DCDC2: variants seen among roughly 807,000 people sequenced by gnomAD.
DCDC2 encodes doublecortin domain containing 2.
DCDC2 carries 40 observed loss-of-function variants against 50.2 expected under a neutral mutation model. The ratio of observed to expected loss-of-function variants is 0.80; its 90% CI spans 0.62 to 1.04. DCDC2 has a LOEUF of 1.04. DCDC2 is among the 50% of genes least tolerant of loss of function. The probability of loss-of-function intolerance (pLI) is 0.00; values close to 1 mark genes in which losing one functional copy is unlikely to be tolerated. For synonymous variants in DCDC2, 234 were observed against 210.6 expected (o/e 1.11, Z -0.96); for missense variants, 570 against 581.9 (o/e 0.98, Z 0.21).
intron 7 of DCDC2, among the ~76,000 whole-genome samples, chr6:24,251,621 T>C (rs1240378249): frequency 6.6e-6 from 1 of 152,192 alleles, no homozygotes; most frequent in Non-Finnish European, 1.5e-5. Context: ...TCTCTGGTCT[T>C]GAGCACATTC....
intron 6 of DCDC2, among the ~76,000 whole-genome samples, chr6:24,287,569 G>A (rs1763640133): frequency 6.6e-6 from 1 of 152,174 alleles, no homozygotes; most frequent in Non-Finnish European, 1.5e-5. Flanking sequence ...CTACTGTAAA[G>A]AGCTTGGCAT....
At chr6:24,335,972 T>TC (rs1188241663) in intron 2 of DCDC2, among the ~76,000 whole-genome samples, 1 of 152,122 alleles carries the variant, frequency 6.6e-6, no homozygotes, top group Non-Finnish European at 1.5e-5. Context: ...GGCCCAGTAG[T>TC]CCCACCCAGG....
intron 7 of DCDC2, among the ~76,000 whole-genome samples, chr6:24,254,121 C>T (rs1762847910): frequency 6.6e-6 from 1 of 152,126 alleles, no homozygotes; most frequent in Admixed American, 6.5e-5. Flanking sequence ...AGGGCTGGAT[C>T]ATCAACATCA....
chr6:24,297,033 T>C (rs1759266487), intron 4 of DCDC2, among the ~76,000 whole-genome samples: 1 of 152,190 alleles, frequency 6.6e-6, no homozygotes, highest in African/African-American at 2.4e-5. Context: ...TGCAGCACTA[T>C]TCACAGTAGC....
intron 7 of DCDC2, among the ~76,000 whole-genome samples, chr6:24,220,891 T>TGAGCGAGCGAGCGAGAGAGTGAGCGAGA (rs1561895571): frequency 2.0e-5 from 2 of 98,964 alleles, no homozygotes; most frequent in African/African-American, 7.7e-5. Flanking sequence ...AGCGAGAGAG[T>TGAGCGAGCGAGCGAGAGAGTGAGCGAGA]GAGCGAGCGA....
At chr6:24,195,453 C>T (rs575642373) in intron 8 of DCDC2, among the ~76,000 whole-genome samples, 104 of 152,256 alleles carry the variant, frequency 6.8e-4, no homozygotes, top group Non-Finnish European at 1.3e-3. Context: ...GGGATTAAAT[C>T]TTTCACAATG....
intron 7 of DCDC2, among the ~76,000 whole-genome samples, chr6:24,276,204 G>C (rs1040304378): frequency 6.6e-6 from 1 of 152,176 alleles, no homozygotes; most frequent in African/African-American, 2.4e-5. Context: ...ACTTTCCTAT[G>C]AACAAGGGAT....
Position 24,178,556 on chromosome 6 carries a change from GAA to G in DCDC2, c.1098_1099del (p.Ser367ArgfsTer5). On this transcript the variant is annotated frameshift_variant, in exon 9 of 10. Transcript: ENST00000378454. LOFTEE classifies it high-confidence loss of function. ...CTCTTCAAGGTCACCATTCATTCCTGAAAAGTCTTCTTTCTGTTCTGCATCCT... is the reference window on the plus strand; with the variant it reads ...CTCTTCAAGGTCACCATTCATTCCTGAAGTCTTCTTTCTGTTCTGCATCCT... 6.2e-7 allele frequency: 1 copy of G among 1,614,106 alleles called. No homozygotes were observed. Among genetic ancestry groups the G allele is most frequent in the South Asian group, 1.1e-5 (1 of 91,082 alleles).
At chr6:24,270,738 C>T (rs1190972235) in intron 7 of DCDC2, among the ~76,000 whole-genome samples, 4 of 152,182 alleles carry the variant, frequency 2.6e-5, no homozygotes, top group African/African-American at 7.2e-5. Context: ...ATCTCACCAA[C>T]ATTCATGACA....
intron 9 of DCDC2, 128 bp downstream of exon 9, chr6:24,178,202 A>G (rs1216493969): frequency 1.1e-6 from 1 of 901,848 alleles, no homozygotes; most frequent in African/African-American, 1.7e-5. Flanking sequence ...ATGGTATTGG[A>G]TCTTTCCTAC....
At chr6:24,201,405 T>C (rs899623763) in intron 8 of DCDC2, among the ~76,000 whole-genome samples, 1 of 152,018 alleles carries the variant, frequency 6.6e-6, no homozygotes, top group Non-Finnish European at 1.5e-5. Flanking sequence ...GAATGACTAC[T>C]GGTACATAAC....
chr6:24,353,520 C>A (rs1760410473), intron 2 of DCDC2, 49 bp downstream of exon 2: 2 of 1,213,440 alleles, frequency 1.6e-6, no homozygotes, highest in African/African-American at 1.5e-5. Flanking sequence ...CCATAAGAAA[C>A]AAATGGCACC....
chr6:24,238,392 G>A (rs535547205), intron 7 of DCDC2, among the ~76,000 whole-genome samples: 33 of 151,192 alleles, frequency 2.2e-4, no homozygotes, highest in South Asian at 4.2e-4. Flanking sequence ...TCCGCCTCCC[G>A]GGTTCAAGCG....
intron 1 of DCDC2, among the ~76,000 whole-genome samples, chr6:24,356,451 A>T (rs1378020205): frequency 6.6e-6 from 1 of 152,188 alleles, no homozygotes; most frequent in Non-Finnish European, 1.5e-5. Context: ...GAGGGGTGGA[A>T]ATGAACTACA....
intron 7 of DCDC2, among the ~76,000 whole-genome samples, chr6:24,207,256 T>TCTCTCTCTCTCTC (rs1761735602): frequency 1.2e-4 from 16 of 129,680 alleles, no homozygotes; most frequent in East Asian, 4.6e-4. Flanking sequence ...CCATCTATCT[T>TCTCTCTCTCTCTC]TCTCTCTCTC....
In DCDC2 at chr6:24,285,887, G is replaced by A. The variant is rs141161284; in HGVS notation, c.759+2965C>T. Among the ~76,000 whole-genome samples the A allele has an allele frequency of 3.6e-4, 55 of 152,012 alleles. No homozygotes were observed. The East Asian group carries it at 4.2e-3, about 12-fold the overall frequency. On this transcript the variant is annotated intron_variant, in intron 6 of 9. Transcript: ENST00000378454. ...TTGATCAATTTATTCAATTACAATCGGTCTCTGTAATCATTCCTCTAGCTG... is the reference window on the plus strand; with the variant it reads ...TTGATCAATTTATTCAATTACAATCAGTCTCTGTAATCATTCCTCTAGCTG...
chr6:24,177,759 A>T (rs1477817407), intron 9 of DCDC2, among the ~76,000 whole-genome samples: 1 of 152,178 alleles, frequency 6.6e-6, no homozygotes, highest in South Asian at 2.1e-4. Context: ...TTTTCACCAC[A>T]TATTTCTTTA....
At chr6:24,342,393 ATCAAGACAGGAGGTG>A (rs1760174549) in intron 2 of DCDC2, among the ~76,000 whole-genome samples, 1 of 152,236 alleles carries the variant, frequency 6.6e-6, no homozygotes, top group Non-Finnish European at 1.5e-5. Context: ...GAAACAGGAA[ATCAAGACAGGAGGTG>A]TCAATACGGA....
intron 2 of DCDC2, among the ~76,000 whole-genome samples, chr6:24,314,469 G>T (rs78415753): frequency 3.3e-5 from 5 of 150,558 alleles, no homozygotes; most frequent in African/African-American, 1.2e-4. Context: ...AGAGCAAGAC[G>T]TTGTCTCAAA....
Sources: allele counts gnomAD v4.1 joint callset (sites outside exome capture counted in the v4.1 genomes callset), GRCh38; gene constraint gnomAD v4.1.1; transcripts MANE v1.5; gene names NCBI Gene and HGNC (gene_info 2026-07-23, HGNC 2026-07-21).